THSD4: variants seen among roughly 807,000 people sequenced by gnomAD.
The protein encoded by THSD4 is thrombospondin type 1 domain containing 4.
In THSD4, 69 loss-of-function variants were observed where a neutral mutation model predicts 119.0. The observed-to-expected ratio is 0.58, with a 90% confidence interval of 0.48 to 0.71. THSD4 has a LOEUF of 0.71. Ranked by LOEUF, THSD4 falls within the 30% of genes least tolerant of loss-of-function variation. THSD4 has a pLI of 0.00. For missense variants in THSD4, 1,393 were observed against 1,391.1 expected, an observed-to-expected ratio of 1.00 and a Z score of -0.02; for synonymous variants, 524 against 540.4, an observed-to-expected ratio of 0.97 and a Z score of 0.42.
At chr15:71,467,769 G>A (rs141763540) in intron 7 of THSD4, among the ~76,000 whole-genome samples, 1 of 152,124 alleles carries the variant, frequency 6.6e-6, no homozygotes, top group East Asian at 1.9e-4. Context: ...ACCTGGTGGG[G>A]AGGTAATTGA....
At chr15:71,720,343 G>C (rs2052699069) in intron 8 of THSD4, among the ~76,000 whole-genome samples, 1 of 152,142 alleles carries the variant, frequency 6.6e-6, no homozygotes, top group Non-Finnish European at 1.5e-5. Context: ...GAGCCACTGT[G>C]CCCAGCCATA....
At chr15:71,391,541 A>G (rs1596394415) in intron 6 of THSD4, among the ~76,000 whole-genome samples, 1 of 152,200 alleles carries the variant, frequency 6.6e-6, no homozygotes, top group African/African-American at 2.4e-5. Context: ...ATTTAAGGTG[A>G]AGTCAGGGAA....
chr15:71,743,010 G>A (rs559801046), intron 11 of THSD4, among the ~76,000 whole-genome samples: 18 of 152,186 alleles, frequency 1.2e-4, no homozygotes, highest in Admixed American at 4.6e-4. Context: ...AGCAGAGATC[G>A]TGCCACTTCA....
At chr15:71,236,594 A>G (rs1033674858) in intron 4 of THSD4, among the ~76,000 whole-genome samples, 11 of 152,304 alleles carry the variant, frequency 7.2e-5, no homozygotes, top group Admixed American at 2.6e-4. Flanking sequence ...CACAATAATG[A>G]TGAGGGGAGA....
chr15:71,746,960 A>T lies in THSD4; in HGVS notation c.2159A>T (p.Gln720Leu). Reference sequence around the variant, plus strand: ...CTGACGGTGCAGCCCTACCGCTGCCAGCACCTGGAGAAACCTGAGACCACC... The same window carrying T: ...CTGACGGTGCAGCCCTACCGCTGCCTGCACCTGGAGAAACCTGAGACCACC... The part of the protein sequence containing the change: ...RSLTVQPYRC[Q>L]HLEKPETTST... Residue 720 changes from glutamine (Q) to leucine (L), a missense_variant, in exon 13 of 18, where the codon CAG (glutamine) becomes CTG (leucine). Physicochemically the swap from Gln to Leu is moderately radical, Grantham distance 113. Coordinates refer to ENST00000261862, the MANE Select transcript of THSD4 (RefSeq NM_024817.3). 2.5e-6 allele frequency: 4 copies of T among 1,613,842 alleles called. No homozygotes were observed. The highest frequency in any genetic ancestry group is 3.4e-6 in the Non-Finnish European group (4 of 1,180,010).
chr15:71,464,994 C>T (rs560069769), intron 7 of THSD4, among the ~76,000 whole-genome samples: 10 of 152,090 alleles, frequency 6.6e-5, no homozygotes, highest in Non-Finnish European at 1.3e-4. Context: ...TTTAAACCTT[C>T]CAAATTGAGT....
chr15:71,536,342 T>C (rs1242780615), intron 7 of THSD4, among the ~76,000 whole-genome samples: 1 of 152,206 alleles, frequency 6.6e-6, no homozygotes, highest in African/African-American at 2.4e-5. Flanking sequence ...GTTGAGTTCC[T>C]TTCACAACCT....
intron 7 of THSD4, among the ~76,000 whole-genome samples, chr15:71,513,024 T>C (rs985914925): frequency 1.3e-5 from 2 of 152,204 alleles, no homozygotes; most frequent in Non-Finnish European, 2.9e-5. Flanking sequence ...AAGAAATTGA[T>C]CCAAAATTTA....
intron 8 of THSD4, among the ~76,000 whole-genome samples, chr15:71,663,439 A>G (rs923291345): frequency 2.0e-5 from 3 of 152,210 alleles, no homozygotes; most frequent in Non-Finnish European, 4.4e-5. Context: ...AGCAGATTCC[A>G]GAGATGACGA....
intron 7 of THSD4, among the ~76,000 whole-genome samples, chr15:71,575,555 C>T (rs1043603118): frequency 6.6e-6 from 1 of 152,108 alleles, no homozygotes; most frequent in Non-Finnish European, 1.5e-5. Context: ...TTTGTTTCTT[C>T]GTCTTTAATA....
At chr15:71,706,323 C>T (rs1450201531) in intron 8 of THSD4, among the ~76,000 whole-genome samples, 1 of 152,024 alleles carries the variant, frequency 6.6e-6, no homozygotes, top group Non-Finnish European at 1.5e-5. Context: ...ACTGGGAGGA[C>T]ACCTGAGCCA....
intron 7 of THSD4, among the ~76,000 whole-genome samples, chr15:71,629,021 C>T (rs2050563429): frequency 6.6e-6 from 1 of 152,140 alleles, no homozygotes; most frequent in Admixed American, 6.5e-5. Context: ...TGGTGTGTGT[C>T]TAAAGCAAAA....
At chr15:71,674,884 T>A (rs535241838) in intron 8 of THSD4, among the ~76,000 whole-genome samples, 5 of 152,304 alleles carry the variant, frequency 3.3e-5, no homozygotes, top group African/African-American at 9.6e-5. Flanking sequence ...ACCTCAGTGG[T>A]GCTGAAGTAA....
At chr15:71,415,923 A>G (rs1280477668) in intron 7 of THSD4, among the ~76,000 whole-genome samples, 2 of 152,130 alleles carry the variant, frequency 1.3e-5, no homozygotes, top group African/African-American at 4.8e-5. Context: ...CAGCCTCCTG[A>G]GTAGCTGGGA....
intron 7 of THSD4, among the ~76,000 whole-genome samples, chr15:71,513,627 G>A (rs1045677176): frequency 6.6e-6 from 1 of 152,162 alleles, no homozygotes; most frequent in Non-Finnish European, 1.5e-5. Context: ...TTGCTGATGG[G>A]CGTGTAAAAT....
intron 7 of THSD4, among the ~76,000 whole-genome samples, chr15:71,627,182 G>C (rs527764940): frequency 2.8e-4 from 43 of 152,310 alleles, no homozygotes; most frequent in African/African-American, 9.6e-4. Context: ...TGTCAGAATA[G>C]ATGTCTGTGT....
chr15:71,561,263 C>T (rs896565373), intron 7 of THSD4, among the ~76,000 whole-genome samples: 2 of 152,072 alleles, frequency 1.3e-5, no homozygotes, highest in South Asian at 2.1e-4. Flanking sequence ...CGTGAGCCAC[C>T]GCACTCGGCT....
At position 71,715,305 on chromosome 15, in the gene THSD4, G is replaced by A. The variant is rs73430260; in HGVS notation, c.1358-13244G>A. Among the ~76,000 whole-genome samples, 1,294 of 152,284 alleles carry A rather than the reference G, an allele frequency of 8.5e-3. 19 individuals are homozygous for A. The highest frequency in any genetic ancestry group is 0.028 in the African/African-American group (1,167 of 41,556). ...GTTTGGTAGTCAGGAATGAATTCCT[G>A]CCATCATCTTGGAACCCATGGCGAC... On this transcript the variant is annotated intron_variant, in intron 8 of 17. Transcript: ENST00000261862.
chr15:71,440,215 C>T (rs1219341365), intron 7 of THSD4, among the ~76,000 whole-genome samples: 2 of 152,092 alleles, frequency 1.3e-5, no homozygotes. Flanking sequence ...CCAACATTTG[C>T]TTTCCAAATA....
Sources: gnomAD v4.1 joint callset for allele counts (sites outside exome capture counted in the v4.1 genomes callset) on GRCh38, gnomAD v4.1.1 for gene constraint, MANE v1.5 for transcripts, NCBI Gene and HGNC (gene_info 2026-07-23, HGNC 2026-07-21) for gene names.